KIAA0825: variants seen among roughly 807,000 people sequenced by gnomAD.
The protein encoded by KIAA0825 is KIAA0825, also known as uncharacterized protein KIAA0825.
A neutral mutation model predicts 147.6 loss-of-function variants in KIAA0825; 119 were observed. The ratio of observed to expected loss-of-function variants is 0.81; its 90% CI spans 0.69 to 0.94. The LOEUF is 0.94. Ranked by LOEUF, KIAA0825 falls within the 40% of genes least tolerant of loss-of-function variation. The pLI, the probability that KIAA0825 is intolerant of heterozygous loss-of-function variation, is 0.00. For synonymous variants in KIAA0825, 470 were observed against 518.1 expected, an observed-to-expected ratio of 0.91 and a Z score of 1.26; for missense variants, 1,381 against 1,472.7, an observed-to-expected ratio of 0.94 and a Z score of 1.02.
intron 20 of KIAA0825, among the ~76,000 whole-genome samples, chr5:94,273,340 T>G (rs1777078381): frequency 6.6e-6 from 1 of 152,178 alleles, no homozygotes; most frequent in African/African-American, 2.4e-5. Context: ...CAAGAAAATA[T>G]AATACTGGGA....
At chr5:94,558,608 T>C (rs1584886723) in intron 2 of KIAA0825, among the ~76,000 whole-genome samples, 1 of 152,232 alleles carries the variant, frequency 6.6e-6, no homozygotes, top group South Asian at 2.1e-4. Flanking sequence ...CTTTCCCATA[T>C]CTGCCATTAA....
At chr5:94,556,151 C>T (rs1447404226) in intron 2 of KIAA0825, among the ~76,000 whole-genome samples, 3 of 151,736 alleles carry the variant, frequency 2.0e-5, no homozygotes, top group Admixed American at 6.6e-5. Context: ...CTCCTGGATT[C>T]GAGCGATTCT....
At chr5:94,433,276 C>T (rs1755934195) in intron 14 of KIAA0825, among the ~76,000 whole-genome samples, 1 of 152,206 alleles carries the variant, frequency 6.6e-6, no homozygotes, top group Non-Finnish European at 1.5e-5. Context: ...ATCCGCCAGC[C>T]TCAGCCTCCC....
At chr5:94,509,917 T>G (rs74708122) in intron 5 of KIAA0825, among the ~76,000 whole-genome samples, 3 of 152,190 alleles carry the variant, frequency 2.0e-5, no homozygotes, top group African/African-American at 7.2e-5. Flanking sequence ...CCTCTTCAGA[T>G]AGCTGAAGGA....
At chr5:94,536,489 T>C (rs1012658001) in intron 3 of KIAA0825, among the ~76,000 whole-genome samples, 2 of 152,212 alleles carry the variant, frequency 1.3e-5, no homozygotes, top group African/African-American at 4.8e-5. Context: ...TGAGAAACCA[T>C]TGAGCTGTCA....
chr5:94,304,413 G>A (rs527481834), intron 20 of KIAA0825, among the ~76,000 whole-genome samples: 2 of 152,122 alleles, frequency 1.3e-5, no homozygotes, highest in Admixed American at 6.6e-5. Context: ...CGGCAGGTGA[G>A]GGGGGGTGAC....
At chr5:94,493,853 A>G (rs768624871) in intron 5 of KIAA0825, among the ~76,000 whole-genome samples, 4 of 152,024 alleles carry the variant, frequency 2.6e-5, no homozygotes, top group Non-Finnish European at 5.9e-5. Context: ...GCACCCATTG[A>G]TAGGAGTAGT....
Position 94,182,250 on chromosome 5 carries a change from C to CT in KIAA0825, c.3711-28127dup, listed in dbSNP as rs771486226. 2.3e-3 allele frequency among the ~76,000 whole-genome samples: 88 copies of CT among 38,276 alleles called. 18 individuals carry two copies. The highest frequency in any genetic ancestry group is 2.1e-3 in the Non-Finnish European group (49 of 23,226). 25.1% of individuals were successfully genotyped at this position (38,276 alleles called of 152,430 possible). On this transcript the variant is annotated intron_variant, in intron 20 of 20. Transcript: ENST00000682413. ...CAAGACATAACTTAAAATGTCCCTT[C>CT]TTTTTTTTTTTTTTTTTTTTTTTTT...
At chr5:94,346,781 G>A (rs932930660) in intron 20 of KIAA0825, among the ~76,000 whole-genome samples, 4 of 152,172 alleles carry the variant, frequency 2.6e-5, no homozygotes, top group South Asian at 2.1e-4. Flanking sequence ...GCTGAACTTC[G>A]TAACAGTTTG....
intron 20 of KIAA0825, among the ~76,000 whole-genome samples, chr5:94,309,295 A>C (rs1778956518): frequency 6.6e-6 from 1 of 151,778 alleles, no homozygotes; most frequent in Non-Finnish European, 1.5e-5. Flanking sequence ...TGAAGTGATA[A>C]GCCACAAAGA....
intron 5 of KIAA0825, among the ~76,000 whole-genome samples, chr5:94,516,787 C>T (rs1225271601): frequency 8.4e-6 from 1 of 118,428 alleles, no homozygotes; most frequent in East Asian, 2.5e-4. Context: ...GAGACTCCGT[C>T]TCAAAAAAAA....
chr5:94,606,486 T>C (rs1430565311), intron 1 of KIAA0825, among the ~76,000 whole-genome samples: 1 of 152,134 alleles, frequency 6.6e-6, no homozygotes, highest in South Asian at 2.1e-4. Flanking sequence ...GGAGGAACGG[T>C]GTTACCTAAC....
intron 20 of KIAA0825, among the ~76,000 whole-genome samples, chr5:94,235,888 T>A (rs1318018411): frequency 2.6e-5 from 4 of 152,184 alleles, no homozygotes; most frequent in Non-Finnish European, 4.4e-5. Context: ...ATTGCATGGT[T>A]TACTGAATAT....
At chr5:94,211,141 G>T (rs1477446333) in intron 20 of KIAA0825, among the ~76,000 whole-genome samples, 5 of 152,106 alleles carry the variant, frequency 3.3e-5, no homozygotes, top group Admixed American at 3.3e-4. Flanking sequence ...TTAGTCCAGA[G>T]ATGTCTCAAG....
chr5:94,286,174 T>A (rs899385131), intron 20 of KIAA0825, among the ~76,000 whole-genome samples: 6 of 152,130 alleles, frequency 3.9e-5, no homozygotes, highest in Non-Finnish European at 7.4e-5. Context: ...AAATATTGAG[T>A]GCTGACAACA....
chr5:94,207,124 G>C (rs1027200732), intron 20 of KIAA0825, among the ~76,000 whole-genome samples: 1 of 151,932 alleles, frequency 6.6e-6, no homozygotes, highest in African/African-American at 2.4e-5. Flanking sequence ...ATACCTAGGG[G>C]CTCCCTAGGT....
chr5:94,183,454 G>A (rs918995647), intron 20 of KIAA0825, among the ~76,000 whole-genome samples: 2 of 152,152 alleles, frequency 1.3e-5, no homozygotes, highest in Non-Finnish European at 2.9e-5. Flanking sequence ...AGTGATAAGA[G>A]TGTCATTTTA....
intron 20 of KIAA0825, among the ~76,000 whole-genome samples, chr5:94,156,840 T>G (rs1158264580): frequency 2.0e-5 from 3 of 152,200 alleles, no homozygotes; most frequent in Admixed American, 6.5e-5. Context: ...TTACTCATAT[T>G]GAATGAAAGC....
At chr5:94,208,977 T>A (rs1243674204) in intron 20 of KIAA0825, among the ~76,000 whole-genome samples, 1 of 152,204 alleles carries the variant, frequency 6.6e-6, no homozygotes, top group Non-Finnish European at 1.5e-5. Flanking sequence ...ATGCAGTAGG[T>A]CTGAGGGATA....
Sources: allele counts gnomAD v4.1 joint callset (sites outside exome capture counted in the v4.1 genomes callset), GRCh38; gene constraint gnomAD v4.1.1; transcripts MANE v1.5; gene names NCBI Gene and HGNC (gene_info 2026-07-23, HGNC 2026-07-21).